The following ZNF208 variants were observed in gnomAD, a reference collection of about 807,000 sequenced individuals.
ZNF208 encodes zinc finger protein 95.
ZNF208 carries 10 observed loss-of-function variants against 12.1 expected under a neutral mutation model. That is an observed-to-expected ratio of 0.83 (90% CI 0.51 to 1.40). The LOEUF is 1.40. Ranked by LOEUF, ZNF208 falls within the 40% of genes most tolerant of loss-of-function variation. The pLI is 0.00. For missense variants in ZNF208, 1,652 were observed against 1,485.0 expected (o/e 1.11, Z -1.85); for synonymous variants, 497 against 488.4 (o/e 1.02, Z -0.23).
chr19:21,962,603 A>T (rs1173807497), downstream of ZNF208, among the ~76,000 whole-genome samples: 1 of 152,098 alleles, frequency 6.6e-6, no homozygotes, highest in Non-Finnish European at 1.5e-5. Flanking sequence ...AAAGAGATGC[A>T]AAGAAGACAC....
At position 22,006,347 on chromosome 19, in the gene ZNF208, T is replaced by C. The variant is rs1385087448; in HGVS notation, c.3+4445A>G. On this transcript the variant is annotated intron_variant, in intron 1 of 3. Transcript: ENST00000397126. ...TTATAGTTGGTACTTCCTCCTGTTG[T>C]AATACTCCTTTGGAATTCAATTTTT... Among the ~76,000 whole-genome samples the C allele has an allele frequency of 2.0e-5, 3 of 152,208 alleles. No individual in the cohort carries two copies. The East Asian group carries it at 5.8e-4, about 29-fold the overall frequency.
Position 21,972,740 on chromosome 19 carries a change from C to T in ZNF208, c.2294G>A (p.Ser765Asn), listed in dbSNP as rs78815715. 1 of 1,584,220 alleles carries T rather than the reference C, an allele frequency of 6.3e-7. No homozygotes were observed. The highest frequency in any genetic ancestry group is 2.3e-5 in the East Asian group (1 of 42,902). The change falls in exon 4 of 4, where the codon AGT (serine) becomes AAT (asparagine). Residue 765 changes from serine to asparagine, a missense_variant. This residue lies in a region of ZNF208 where 1,239 missense variants were observed against 1,086.2 expected (regional missense o/e 1.14). Coordinates refer to ENST00000397126, the MANE Select transcript of ZNF208 (RefSeq NM_007153.3). The part of the protein sequence containing the change: ...GKAYKWSSTL[S>N]YHKKIHTVEK... The stretch of plus-strand genomic sequence containing the variant: ...TACAGTATGAATTTTCTTATGATAA[C>T]TAAGGGTTGAGGACCACTTATAGGC...
At chr19:21,986,350 TTA>T (rs1298474188) in intron 3 of ZNF208, among the ~76,000 whole-genome samples, 1 of 152,140 alleles carries the variant, frequency 6.6e-6, no homozygotes, top group Non-Finnish European at 1.5e-5. Flanking sequence ...AACATACAAG[TTA>T]TGTTTCCATA....
chr19:21,958,099 T>C (rs1376265910), intron 4 of ZNF208, among the ~76,000 whole-genome samples: 1 of 152,074 alleles, frequency 6.6e-6, no homozygotes, highest in East Asian at 1.9e-4. Flanking sequence ...TTTTTTGTTC[T>C]TGTGATAGTT....
chr19:21,956,962 G>T (rs181505482), intron 4 of ZNF208, among the ~76,000 whole-genome samples: 36 of 152,242 alleles, frequency 2.4e-4, no homozygotes, highest in African/African-American at 7.7e-4. Context: ...AGACATCTTG[G>T]GACTTCTATC....
intron 4 of ZNF208, among the ~76,000 whole-genome samples, chr19:21,944,850 G>A (rs1290996353): frequency 6.6e-6 from 1 of 152,200 alleles, no homozygotes; most frequent in Non-Finnish European, 1.5e-5. Flanking sequence ...TCAAGAAAGT[G>A]ACTATGTCTT....
intron 4 of ZNF208, among the ~76,000 whole-genome samples, chr19:21,960,402 AG>A (rs1434398407): frequency 1.3e-5 from 2 of 152,206 alleles, no homozygotes; most frequent in African/African-American, 4.8e-5. Context: ...AAGTAAGAAA[AG>A]GAAAAAAAGT....
chr19:22,003,762 A>C (rs1344511896), intron 1 of ZNF208, among the ~76,000 whole-genome samples: 5 of 152,202 alleles, frequency 3.3e-5, no homozygotes, highest in African/African-American at 1.2e-4. Flanking sequence ...ACCTAAAAAT[A>C]TATAAATTAT....
chr19:21,976,067 T>G (rs1178389115), intron 3 of ZNF208, among the ~76,000 whole-genome samples: 4 of 152,064 alleles, frequency 2.6e-5, no homozygotes, highest in Non-Finnish European at 5.9e-5. Context: ...AGGAAAGACA[T>G]GCACAGACAA....
chr19:21,988,510 G>A (rs1317655552), intron 2 of ZNF208, among the ~76,000 whole-genome samples: 13 of 152,120 alleles, frequency 8.5e-5, no homozygotes, highest in Non-Finnish European at 1.9e-4. Flanking sequence ...GCTGTTGAAA[G>A]AATACAGTCA....
chr19:22,007,721 C>T (rs1971070780), intron 1 of ZNF208, among the ~76,000 whole-genome samples: 2 of 151,788 alleles, frequency 1.3e-5, no homozygotes, highest in South Asian at 2.1e-4. Context: ...TGAGGTCAGC[C>T]GGGCACAGGG....
At position 21,972,553 on chromosome 19, in the gene ZNF208, A is replaced by G; in HGVS notation, c.2481T>C (p.His827=). 1 of 1,613,328 alleles carries G rather than the reference A, an allele frequency of 6.2e-7. No individual in the cohort carries two copies. ...TACATTTGTAGGGCTTTTCTCCAGC[A>G]TGAATTGCCTTATGTGTAGTAAGGG... ...VSTLTTHKAI[H]AGEKPYKCKE... is the part of the protein sequence containing the mutation. The change falls in exon 4 of 4, where the codon CAT becomes CAC. Residue 827 remains histidine (H), a synonymous_variant. Transcript: ENST00000397126.
downstream of ZNF208, among the ~76,000 whole-genome samples, chr19:21,963,117 A>G (rs1970104905): frequency 6.6e-6 from 1 of 151,174 alleles, no homozygotes; most frequent in Non-Finnish European, 1.5e-5. Context: ...AAAGCAGGCA[A>G]TGCTCTTCTT....
At chr19:21,978,200 A>G (rs902640832) in intron 3 of ZNF208, among the ~76,000 whole-genome samples, 1 of 152,204 alleles carries the variant, frequency 6.6e-6, no homozygotes, top group African/African-American at 2.4e-5. Flanking sequence ...CAGTGGAGGT[A>G]CCAGCTCAGC....
intron 4 of ZNF208, among the ~76,000 whole-genome samples, chr19:21,954,796 A>C (rs576011999): frequency 1.3e-5 from 2 of 152,246 alleles, no homozygotes; most frequent in South Asian, 4.1e-4. Flanking sequence ...CCAATTTGCC[A>C]GTCTGTGTCT....
intron 4 of ZNF208, among the ~76,000 whole-genome samples, chr19:21,946,803 C>T (rs896825694): frequency 2.8e-4 from 43 of 152,044 alleles, no homozygotes; most frequent in African/African-American, 9.9e-4. Context: ...GAAGGGCCTA[C>T]CCATTGTGTG....
At position 21,941,070 on chromosome 19, in the gene ZNF208, A is replaced by G. The variant is rs1969732266; in HGVS notation, c.306-7833T>C. On this transcript the variant is annotated intron_variant, in intron 4 of 4. Coordinates refer to the ZNF208 transcript ENST00000599916. ...CGGAAGTGAAGGAGGTGCCCCGCAGAGGAGGCGGTAGCCGTGGTCCCTGTA... is the reference window on the plus strand; with the variant it reads ...CGGAAGTGAAGGAGGTGCCCCGCAGGGGAGGCGGTAGCCGTGGTCCCTGTA... 1.0e-5 allele frequency: 3 copies of G among 300,642 alleles called. No individual in the cohort carries two copies. The South Asian group carries it at 4.9e-4, about 49-fold the overall frequency. 18.6% of individuals were successfully genotyped at this position (300,642 alleles called of 1,614,324 possible). A position where few individuals can be genotyped will look rare whatever the true frequency, so the allele number is the denominator to read the frequency against.
At chr19:21,942,497 ATTAAATTGTTGAAGATATTT>A (rs1433292008) in intron 4 of ZNF208, among the ~76,000 whole-genome samples, 3 of 152,218 alleles carry the variant, frequency 2.0e-5, no homozygotes, top group Non-Finnish European at 4.4e-5. Flanking sequence ...CCATAGGTTT[ATTAAATTGTTGAAGATATTT>A]TTAATTTAAA....
downstream of ZNF208, among the ~76,000 whole-genome samples, chr19:21,961,962 C>T (rs142429865): frequency 3.5e-3 from 530 of 152,116 alleles, no homozygotes; most frequent in Middle Eastern, 0.017. Context: ...TGACATACAT[C>T]CTTAGCTTAG....
Sources: gnomAD v4.1 joint callset for allele counts (sites outside exome capture counted in the v4.1 genomes callset) on GRCh38, gnomAD v4.1.1 for gene constraint, gnomAD v4.1.1 regional missense constraint, MANE v1.5 for transcripts, NCBI Gene and HGNC (gene_info 2026-07-23, HGNC 2026-07-21) for gene names.